FAM131B: variants seen among roughly 807,000 people sequenced by gnomAD.
FAM131B encodes the protein family with sequence similarity 131 member B.
In FAM131B, 19 loss-of-function variants were observed where a neutral mutation model predicts 42.0. The ratio of observed to expected loss-of-function variants is 0.45; its 90% CI spans 0.32 to 0.66. The LOEUF (loss-of-function observed/expected upper bound fraction) is 0.66, where lower values mean the gene tolerates loss of function less well. Ranked by LOEUF, FAM131B falls within the 30% of genes least tolerant of loss-of-function variation. FAM131B has a pLI of 0.05. For synonymous variants in FAM131B, 183 were observed against 177.6 expected, an observed-to-expected ratio of 1.03 and a Z score of -0.24; for missense variants, 370 against 468.4, an observed-to-expected ratio of 0.79 and a Z score of 1.94.
chr7:143,368,282 A>G, the FAM131B span, among the ~76,000 whole-genome samples: 1 of 152,266 alleles, frequency 6.6e-6, no homozygotes, highest in African/African-American at 2.4e-5. Flanking sequence ...GAAGAACCAG[A>G]TGGGATTTTT....
At chr7:143,381,002 G>C in the FAM131B span, 3 of 265,918 alleles carry the variant, frequency 1.1e-5, no homozygotes, top group South Asian at 1.4e-4. Context: ...GTCAGATCTC[G>C]GGCACCCGCG....
chr7:143,376,649 C>G, the FAM131B span, among the ~76,000 whole-genome samples: 1 of 152,184 alleles, frequency 6.6e-6, no homozygotes. Flanking sequence ...GATGCGCGCC[C>G]AACCCATCCA....
In FAM131B at chr7:143,356,578, T is replaced by C; in HGVS notation, c.1055A>G (p.Asp352Gly). The change falls in exon 7 of 7, where the codon GAT (aspartate) becomes GGT (glycine). Residue 352 changes from aspartate (D) to glycine (G), a missense_variant. Transcript: ENST00000443739. This position sits in a 1 kb window ranked among gnomAD's most constrained non-coding sequence, Gnocchi z 4.4. The part of the protein sequence containing the change: ...DVTSSGVQSF[D>G]EEEGEANN ...GTTGTTGGCCTCGCCTTCCTCCTCATCAAAGGACTGCACACCTGAGGATGT... is the reference window on the plus strand; with the variant it reads ...GTTGTTGGCCTCGCCTTCCTCCTCACCAAAGGACTGCACACCTGAGGATGT... 6.2e-7 allele frequency: 1 copy of C among 1,613,664 alleles called. No individual in the cohort carries two copies. Among genetic ancestry groups the C allele is most frequent in the African/African-American group, 1.3e-5 (1 of 74,884 alleles).
the FAM131B span, among the ~76,000 whole-genome samples, chr7:143,371,634 A>G: frequency 1.5e-5 from 2 of 133,580 alleles, no homozygotes; most frequent in Non-Finnish European, 3.3e-5. Context: ...AAAAAAAAAA[A>G]AAGAAAAGAA....
the FAM131B span, among the ~76,000 whole-genome samples, chr7:143,368,044 C>G: frequency 3.3e-5 from 5 of 152,304 alleles, no homozygotes; most frequent in South Asian, 1.0e-3. Context: ...CAGCAGATCG[C>G]GCCTGCATAT....
At chr7:143,378,868 G>A in the FAM131B span, among the ~76,000 whole-genome samples, 1,556 of 152,316 alleles carry the variant, frequency 0.01, 9 homozygotes, top group Middle Eastern at 0.02. Context: ...GAGCCACTGC[G>A]CCCAGCCCAT....
chr7:143,380,582 C>T, the FAM131B span: 1 of 985,496 alleles, frequency 1.0e-6, no homozygotes, highest in South Asian at 4.7e-5. This position sits in a 1 kb window ranked among gnomAD's most constrained non-coding sequence, Gnocchi z 5.0. Context: ...CCCGGCCCCG[C>T]GGACCCGAAC....
At chr7:143,366,486 C>T (rs1804183675), upstream of FAM131B, among the ~76,000 whole-genome samples, 1 of 151,816 alleles carries the variant, frequency 6.6e-6, no homozygotes, top group African/African-American at 2.4e-5. Context: ...AGTGCTGATG[C>T]TGGAAAACAT....
At chr7:143,381,600 T>C in the FAM131B span, 1 of 1,611,400 alleles carries the variant, frequency 6.2e-7, no homozygotes, top group Non-Finnish European at 8.5e-7. Flanking sequence ...TCTCCCGCGA[T>C]CTCCGTTTCG....
chr7:143,374,705 C>A, the FAM131B span, among the ~76,000 whole-genome samples: 2 of 152,230 alleles, frequency 1.3e-5, no homozygotes, highest in Non-Finnish European at 2.9e-5. Context: ...GACACTCCAG[C>A]CACACCTACC....
At chr7:143,366,626 C>T (rs185087243), upstream of FAM131B, among the ~76,000 whole-genome samples, 8 of 146,840 alleles carry the variant, frequency 5.4e-5, no homozygotes, top group African/African-American at 7.6e-5. Flanking sequence ...GGTGAGATCT[C>T]GGCTCACTAC....
At chr7:143,378,532 G>A in the FAM131B span, among the ~76,000 whole-genome samples, 1 of 150,292 alleles carries the variant, frequency 6.7e-6, no homozygotes, top group Admixed American at 6.6e-5. Context: ...TAAGAAAAAT[G>A]CCCAGCAATC....
the FAM131B span, among the ~76,000 whole-genome samples, chr7:143,372,684 C>A: frequency 3.3e-5 from 5 of 152,196 alleles, no homozygotes; most frequent in Admixed American, 1.3e-4. Context: ...TAAGGCCTGG[C>A]ACAGTGGCTC....
intron 5 of FAM131B, among the ~76,000 whole-genome samples, chr7:143,357,926 T>C (rs1803748472): frequency 6.6e-6 from 1 of 152,224 alleles, no homozygotes; most frequent in Admixed American, 6.5e-5. Context: ...TCTGATGAGA[T>C]ATCCTAAGAG....
chr7:143,381,719 C>A, the FAM131B span: 1 of 1,602,188 alleles, frequency 6.2e-7, no homozygotes, highest in Non-Finnish European at 8.5e-7. Context: ...TCCCCCGGCA[C>A]CCGGGGCCCA....
the FAM131B span, chr7:143,382,177 C>T: frequency 7.2e-5 from 94 of 1,301,066 alleles, no homozygotes; most frequent in South Asian, 1.0e-3. Flanking sequence ...GGGGTTAGAG[C>T]GGTTAACTGA....
At chr7:143,381,975 C>T in the FAM131B span, 2 of 642,064 alleles carry the variant, frequency 3.1e-6, no homozygotes, top group Admixed American at 3.2e-5. Context: ...CCAAGTCCCC[C>T]GCCTGGGAGT....
rs1388852274 is a variant in FAM131B, at chr7:143,355,004, G to A, written c.*1546C>T. 1 of 152,532 alleles carries A rather than the reference G, an allele frequency of 6.6e-6. No homozygotes were observed. The highest frequency in any genetic ancestry group is 2.4e-5 in the African/African-American group (1 of 41,458). 9.4% of individuals were successfully genotyped at this position (152,532 alleles called of 1,614,324 possible). ...TTCCAGCAGAGGATGCAAGTGGTAG[G>A]ACTCCTGACAGAGTGTGGGTAGGAC... On this transcript the variant is annotated 3_prime_UTR_variant, in exon 7 of 7. Coordinates refer to ENST00000443739, the MANE Select transcript of FAM131B (RefSeq NM_001031690.3). The surrounding 1 kb of genome is among the most constrained non-coding windows in gnomAD (Gnocchi z 4.1).
At chr7:143,376,626 C>T in the FAM131B span, among the ~76,000 whole-genome samples, 1 of 152,190 alleles carries the variant, frequency 6.6e-6, no homozygotes, top group Non-Finnish European at 1.5e-5. Flanking sequence ...GTGCTTCACC[C>T]AGACCTCATC....
Sources: allele counts gnomAD v4.1 joint callset (sites outside exome capture counted in the v4.1 genomes callset), GRCh38; gene constraint gnomAD v4.1.1; non-coding constraint Gnocchi (gnomAD v3.1); transcripts MANE v1.5; gene names NCBI Gene and HGNC (gene_info 2026-07-23, HGNC 2026-07-21).